Variants in LRRC49 observed in about 807,000 individuals in gnomAD.
LRRC49 encodes leucine-rich repeat-containing protein 49.
LRRC49 carries 50 observed loss-of-function variants against 83.3 expected under a neutral mutation model. The observed-to-expected ratio is 0.60, with a 90% confidence interval of 0.48 to 0.76. LRRC49 has a LOEUF of 0.76. LRRC49 is among the 30% of genes least tolerant of loss of function. The pLI is 0.00. For synonymous variants in LRRC49, 286 were observed against 283.3 expected (o/e 1.01, Z -0.10); for missense variants, 704 against 809.1 (o/e 0.87, Z 1.58).
chr15:70,900,330 CT>C, intron 3 of LRRC49: 1 of 381,744 alleles, frequency 2.6e-6, no homozygotes, highest in East Asian at 7.2e-5. Flanking sequence ...ACTTTGGTAT[CT>C]TGGCAATATT....
intron 8 of LRRC49, among the ~76,000 whole-genome samples, chr15:70,941,682 C>G (rs1011422857): frequency 7.2e-5 from 11 of 151,970 alleles, no homozygotes; most frequent in African/African-American, 2.7e-4. Context: ...CTTTTATTAT[C>G]CTCCTTATAT....
At chr15:70,867,756 A>G (rs1045567282) in intron 1 of LRRC49, among the ~76,000 whole-genome samples, 3 of 152,208 alleles carry the variant, frequency 2.0e-5, no homozygotes, top group African/African-American at 7.2e-5. Context: ...CTGGCGTGCT[A>G]TATGAAGGGC....
intron 2 of LRRC49, among the ~76,000 whole-genome samples, chr15:70,884,331 G>A (rs938116574): frequency 6.6e-6 from 1 of 151,982 alleles, no homozygotes. Context: ...TCAGGAGTTC[G>A]AGATCAGCCT....
chr15:70,854,180 GCGAGCGCGCCTGCCGCTCGGC>G, intron 1 of LRRC49: 1 of 975,606 alleles, frequency 1.0e-6, no homozygotes, highest in South Asian at 5.0e-5. Flanking sequence ...CGGGGGCGGT[GCGAGCGCGCCTGCCGCTCGGC>G]CCAGGGGAGG....
chr15:70,891,285 G>T (rs1021751586), upstream of LRRC49, among the ~76,000 whole-genome samples: 10 of 152,166 alleles, frequency 6.6e-5, no homozygotes, highest in Non-Finnish European at 1.5e-4. Flanking sequence ...GCTCACTAGG[G>T]ATACTGAACT....
chr15:71,014,758 T>C (rs1324108746), intron 14 of LRRC49, among the ~76,000 whole-genome samples: 5 of 152,160 alleles, frequency 3.3e-5, no homozygotes, highest in Non-Finnish European at 7.4e-5. Context: ...AATACAGGCA[T>C]ATATTGACAA....
Position 70,872,949 on chromosome 15 carries a change from C to T in LRRC49, c.-257C>T, listed in dbSNP as rs537677306. On this transcript the variant is annotated 5_prime_UTR_variant, in exon 2 of 17. Transcript: ENST00000544974. ...TCGCCTAGGCTGGAGTGCCGTGGTG[C>T]GATCTCGCTCACTGCAACCTCCACC... The T allele has an allele frequency of 4.9e-4, 194 of 393,268 alleles. 2 individuals are homozygous for T. Among genetic ancestry groups the T allele is most frequent in the South Asian group, 4.2e-3 (130 of 30,826 alleles). 24.4% of individuals were successfully genotyped at this position (393,268 alleles called of 1,614,324 possible). A position where few individuals can be genotyped will look rare whatever the true frequency, so the allele number is the denominator to read the frequency against.
rs1241850167 is a variant in LRRC49 at position 70,858,276 on chromosome 15, T to A, written c.-299+4807T>A. 2.6e-5 allele frequency among the ~76,000 whole-genome samples: 4 copies of A among 152,246 alleles called. No homozygotes were observed. The East Asian group carries it at 7.7e-4, about 29-fold the overall frequency. On this transcript the variant is annotated intron_variant, in intron 1 of 16. Coordinates refer to the LRRC49 transcript ENST00000544974. ...CCCTGGCCAGAAACCAGCATCTTTCTATAGTTTCTTTTTTTCTTTTTCTTT... is the reference window on the plus strand; with the variant it reads ...CCCTGGCCAGAAACCAGCATCTTTCAATAGTTTCTTTTTTTCTTTTTCTTT...
chr15:71,043,769 T>G (rs1022928099), intron 15 of LRRC49, among the ~76,000 whole-genome samples: 2 of 152,192 alleles, frequency 1.3e-5, no homozygotes, highest in Non-Finnish European at 2.9e-5. Flanking sequence ...AGCAGAAAAT[T>G]TTAAAGCACT....
chr15:70,984,015 A>G, intron 10 of LRRC49, 79 bp from the exon 11 acceptor site: 5 of 1,068,864 alleles, frequency 4.7e-6, no homozygotes, highest in Non-Finnish European at 5.6e-6. Context: ...AAGAAGGCAC[A>G]AACAATATGC....
At chr15:70,931,102 G>A (rs574439221) in intron 7 of LRRC49, among the ~76,000 whole-genome samples, 1 of 152,270 alleles carries the variant, frequency 6.6e-6, no homozygotes, top group African/African-American at 2.4e-5. Flanking sequence ...CTTTCAACAT[G>A]ACTTTCTCAC....
At chr15:70,919,456 A>C (rs1024493689) in intron 7 of LRRC49, among the ~76,000 whole-genome samples, 3 of 152,242 alleles carry the variant, frequency 2.0e-5, no homozygotes, top group African/African-American at 7.2e-5. Flanking sequence ...GTAAATGAGT[A>C]GTAAACCCTC....
intron 1 of LRRC49, among the ~76,000 whole-genome samples, chr15:70,869,020 T>C (rs1340735637): frequency 1.3e-5 from 2 of 152,182 alleles, no homozygotes; most frequent in African/African-American, 4.8e-5. Flanking sequence ...TGATAGATAC[T>C]TGGAAATCAC....
At chr15:70,957,905 G>A (rs2141189183) in intron 8 of LRRC49, among the ~76,000 whole-genome samples, 1 of 152,188 alleles carries the variant, frequency 6.6e-6, no homozygotes, top group South Asian at 2.1e-4. Flanking sequence ...ATTTTTTATA[G>A]TTTAAAATTT....
intron 14 of LRRC49, among the ~76,000 whole-genome samples, chr15:71,033,769 C>A (rs1319756234): frequency 1.3e-5 from 2 of 152,062 alleles, no homozygotes; most frequent in Non-Finnish European, 2.9e-5. Context: ...ACAAACTTGA[C>A]AAAAACCAGC....
chr15:71,034,923 A>G (rs965015167), intron 14 of LRRC49, among the ~76,000 whole-genome samples: 1 of 152,084 alleles, frequency 6.6e-6, no homozygotes, highest in Non-Finnish European at 1.5e-5. Flanking sequence ...CATCAGGATA[A>G]ATAGCTAATG....
At chr15:70,937,838 T>A (rs1226991144) in intron 8 of LRRC49, among the ~76,000 whole-genome samples, 3 of 152,202 alleles carry the variant, frequency 2.0e-5, no homozygotes, top group African/African-American at 7.2e-5. Context: ...AAAGTTTTTT[T>A]GATAGACTTT....
chr15:71,037,229 T>C lies in LRRC49; in HGVS notation c.1754T>C (p.Ile585Thr). The C allele has an allele frequency of 1.9e-6, 3 of 1,611,238 alleles. No homozygotes were observed. The highest frequency in any genetic ancestry group is 1.7e-6 in the Non-Finnish European group (2 of 1,178,404). ...LLESKGKKPG[I>T]INEENNDSKR... ...GAATCCAAAGGAAAAAAACCTGGTA[T>C]TATCAACGAAGAAAATAATGACAGC... The change falls in exon 15 of 16, where the codon ATT becomes ACT. Residue 585 changes from isoleucine to threonine, a missense_variant. Physicochemically the swap from Ile to Thr is moderately conservative, Grantham distance 89 (BLOSUM62 -1). Coordinates refer to ENST00000260382, the MANE Select transcript of LRRC49 (RefSeq NM_017691.5).
intron 11 of LRRC49, among the ~76,000 whole-genome samples, chr15:70,993,304 G>A (rs1202090654): frequency 6.6e-6 from 1 of 152,212 alleles, no homozygotes; most frequent in African/African-American, 2.4e-5. Flanking sequence ...GCTAGGAAAG[G>A]GAATTCCCTG....
Sources: gnomAD v4.1 joint callset for allele counts (sites outside exome capture counted in the v4.1 genomes callset) on GRCh38, gnomAD v4.1.1 for gene constraint, MANE v1.5 for transcripts, NCBI Gene and HGNC (gene_info 2026-07-23, HGNC 2026-07-21) for gene names.